PGBD2: variants seen among roughly 807,000 people sequenced by gnomAD.
PGBD2 encodes piggyBac transposable element derived 2.
Under a neutral mutation model 8.1 loss-of-function variants are expected in PGBD2, and 6 were observed. The observed-to-expected ratio is 0.74, with a 90% CI of 0.40 to 1.46. PGBD2 has a LOEUF of 1.46. Among genes scored for constraint, PGBD2 ranks in the 40% most tolerant of loss-of-function variants. PGBD2 has a pLI of 0.02. For missense variants in PGBD2, 802 were observed against 739.0 expected (o/e 1.09, Z -0.99); for synonymous variants, 318 against 272.2 (o/e 1.17, Z -1.66).
At chr1:248,881,128 G>A in the PGBD2 span, among the ~76,000 whole-genome samples, 654 of 152,176 alleles carry the variant, frequency 4.3e-3, 1 homozygote, top group African/African-American at 0.015. Flanking sequence ...AGAACCTTCC[G>A]AGAAAAACAG....
chr1:248,896,296 CA>C, the PGBD2 span, among the ~76,000 whole-genome samples: 1 of 152,022 alleles, frequency 6.6e-6, no homozygotes, highest in East Asian at 1.9e-4. Flanking sequence ...TTGCAGACAG[CA>C]GATTTTGAAA....
At position 248,917,770 on chromosome 1, in the gene PGBD2, G is replaced by A. The variant is rs1662163916; in HGVS notation, c.1186G>A (p.Gly396Ser). Residue 396 changes from glycine (G) to serine (S), a missense_variant, in exon 3 of 3, where the codon GGT (glycine) becomes AGT (serine). By Grantham distance (56) the Gly-to-Ser change is moderately conservative. Transcript: ENST00000329291. ...CAAAGAACTGAAAAAAATGAAGAGGGGTTCATTTGATTACAAAGTCGATGA... is the reference window on the plus strand; with the variant it reads ...CAAAGAACTGAAAAAAATGAAGAGGAGTTCATTTGATTACAAAGTCGATGA... ...DPKELKKMKRGSFDYKVDESE... is the reference protein window; with the variant it reads ...DPKELKKMKRSSFDYKVDESE... 6.2e-7 allele frequency: 1 copy of A among 1,614,178 alleles called. No individual in the cohort carries two copies.
chr1:248,885,842 G>A, the PGBD2 span, among the ~76,000 whole-genome samples: 23 of 152,310 alleles, frequency 1.5e-4, no homozygotes, highest in South Asian at 4.8e-3. Context: ...AGATGCATTT[G>A]AATAACCTGC....
intron 1 of PGBD2, among the ~76,000 whole-genome samples, chr1:248,909,893 G>T (rs1315031451): frequency 6.6e-6 from 1 of 152,222 alleles, no homozygotes; most frequent in Admixed American, 6.5e-5. Context: ...GGATGAGGCT[G>T]GGGACCAGGC....
the PGBD2 span, among the ~76,000 whole-genome samples, chr1:248,892,096 T>A: frequency 6.6e-6 from 1 of 152,328 alleles, no homozygotes; most frequent in East Asian, 1.9e-4. Flanking sequence ...TTCCAAAGAA[T>A]GGAAGTCAGT....
the PGBD2 span, among the ~76,000 whole-genome samples, chr1:248,887,994 AG>A: frequency 6.6e-5 from 10 of 152,332 alleles, no homozygotes; most frequent in East Asian, 1.2e-3. Context: ...CCCACTACTA[AG>A]TGAGAACACA....
the PGBD2 span, among the ~76,000 whole-genome samples, chr1:248,897,289 C>G: frequency 7.6e-6 from 1 of 131,990 alleles, no homozygotes; most frequent in Non-Finnish European, 1.5e-5. Flanking sequence ...GCTAGCCGAT[C>G]GGAACAAATA....
At chr1:248,873,848 T>G in the PGBD2 span, among the ~76,000 whole-genome samples, 1 of 152,316 alleles carries the variant, frequency 6.6e-6, no homozygotes, top group African/African-American at 2.4e-5. Flanking sequence ...GCGCTCTGCT[T>G]CCGAGTGTCA....
rs190308870 is a variant in PGBD2 at position 248,909,558 on chromosome 1, G to A, written c.-48+3216G>A. Among the ~76,000 whole-genome samples, 40 of 152,268 alleles carry A rather than the reference G, an allele frequency of 2.6e-4. 1 individual carries two copies. The highest frequency in any genetic ancestry group is 8.5e-4 in the Admixed American group (13 of 15,292). ...TGTGGCATGATTAATTTGGTTCAGC[G>A]AGTATTTATTGAGGGCCTGCTGCAT... On this transcript the variant is annotated intron_variant, in intron 1 of 2. Transcript: ENST00000329291.
the PGBD2 span, among the ~76,000 whole-genome samples, chr1:248,892,107 G>A: frequency 2.0e-5 from 3 of 152,198 alleles, no homozygotes; most frequent in Non-Finnish European, 4.4e-5. Flanking sequence ...GGAAGTCAGT[G>A]CTCCAAACTG....
intron 2 of PGBD2, among the ~76,000 whole-genome samples, chr1:248,915,135 A>G (rs1342660509): frequency 6.6e-6 from 1 of 152,148 alleles, no homozygotes; most frequent in Non-Finnish European, 1.5e-5. Context: ...GCTACCTGAC[A>G]CCATCCTGCA....
the PGBD2 span, among the ~76,000 whole-genome samples, chr1:248,887,064 T>G: frequency 3.5e-4 from 53 of 152,302 alleles, no homozygotes; most frequent in African/African-American, 1.3e-3. Context: ...ACACATAAGC[T>G]TACTATTTAT....
upstream of PGBD2, among the ~76,000 whole-genome samples, chr1:248,901,471 A>G (rs904200066): frequency 1.3e-5 from 2 of 152,216 alleles, no homozygotes; most frequent in African/African-American, 4.8e-5. Context: ...GATAAACCTG[A>G]CAAAAACAAG....
chr1:248,872,853 G>T, the PGBD2 span, among the ~76,000 whole-genome samples: 12 of 152,172 alleles, frequency 7.9e-5, no homozygotes, highest in Non-Finnish European at 1.6e-4. Flanking sequence ...GTGGTGGCGG[G>T]ATTACAGGCA....
upstream of PGBD2, among the ~76,000 whole-genome samples, chr1:248,906,029 G>C (rs994984111): frequency 6.6e-6 from 1 of 152,198 alleles, no homozygotes; most frequent in South Asian, 2.1e-4. Context: ...AAGTAGGACA[G>C]GGGTGGGAGG....
the PGBD2 span, among the ~76,000 whole-genome samples, chr1:248,885,603 T>C: frequency 6.6e-6 from 1 of 152,100 alleles, no homozygotes; most frequent in African/African-American, 2.4e-5. Flanking sequence ...TCCAACCAAC[T>C]CTATCCCACT....
the PGBD2 span, among the ~76,000 whole-genome samples, chr1:248,873,934 G>A: frequency 6.6e-6 from 1 of 152,216 alleles, no homozygotes; most frequent in Non-Finnish European, 1.5e-5. Context: ...CCGGATGGAG[G>A]CGTGGGTTCG....
At position 248,917,223 on chromosome 1, in the gene PGBD2, T is replaced by A. The variant is rs556010425; in HGVS notation, c.639T>A (p.Ala213=). The change falls in exon 3 of 3, where the codon GCT becomes GCA. Residue 213 remains alanine, a synonymous_variant. Coordinates refer to ENST00000329291, the MANE Select transcript of PGBD2 (RefSeq NM_170725.3). ...CCGATTCACATCATCATCTTGTGGCTGATGCAATTAGAAGGGACAGATTTG... is the reference window on the plus strand; with the variant it reads ...CCGATTCACATCATCATCTTGTGGCAGATGCAATTAGAAGGGACAGATTTG... The part of the protein sequence containing the change: ...TSPDSHHHLV[A]DAIRRDRFEL... 1.2e-6 allele frequency: 2 copies of A among 1,614,192 alleles called. No individual in the cohort carries two copies. Among genetic ancestry groups the A allele is most frequent in the South Asian group, 1.1e-5 (1 of 91,076 alleles).
chr1:248,911,061 G>A (rs569048355), intron 1 of PGBD2, among the ~76,000 whole-genome samples: 3 of 151,810 alleles, frequency 2.0e-5, no homozygotes, highest in African/African-American at 7.3e-5. Flanking sequence ...GAGCACCCAC[G>A]AATGTGTTTT....
Sources: allele counts gnomAD v4.1 joint callset (sites outside exome capture counted in the v4.1 genomes callset), GRCh38; gene constraint gnomAD v4.1.1; transcripts MANE v1.5; gene names NCBI Gene and HGNC (gene_info 2026-07-23, HGNC 2026-07-21).